CEP164: variants seen among roughly 807,000 people sequenced by gnomAD.
CEP164 encodes centrosomal protein of 164 kDa.
In CEP164, 162 loss-of-function variants were observed where a neutral mutation model predicts 182.7. The observed-to-expected ratio is 0.89, with a 90% CI of 0.78 to 1.01. The LOEUF (loss-of-function observed/expected upper bound fraction) is 1.01. Among genes scored for constraint, CEP164 ranks in the 50% least tolerant of loss-of-function variants. CEP164 has a pLI of 0.00. For missense variants in CEP164, 1,735 were observed against 1,790.4 expected, an observed-to-expected ratio of 0.97 and a Z score of 0.56; for synonymous variants, 661 against 690.0, an observed-to-expected ratio of 0.96 and a Z score of 0.66.
chr11:117,388,501 G>A (rs1205689535), intron 15 of CEP164, among the ~76,000 whole-genome samples: 1 of 152,198 alleles, frequency 6.6e-6, no homozygotes. Flanking sequence ...TGAGGAATGG[G>A]CTCTCCTTCC....
intron 27 of CEP164, among the ~76,000 whole-genome samples, chr11:117,405,441 C>T (rs933824535): frequency 5.9e-5 from 9 of 152,084 alleles, no homozygotes; most frequent in East Asian, 1.9e-4. Context: ...GTGGGTGAGG[C>T]GACACCCACC....
chr11:117,391,296 A>T, intron 17 of CEP164, 81 bp downstream of exon 17: 1 of 1,383,122 alleles, frequency 7.2e-7, no homozygotes, highest in Non-Finnish European at 9.9e-7. Context: ...AAGGAGAAGA[A>T]GGGCAAGTCT....
At chr11:117,357,231 C>T (rs1038655311) in intron 5 of CEP164, among the ~76,000 whole-genome samples, 1 of 151,326 alleles carries the variant, frequency 6.6e-6, no homozygotes, top group Non-Finnish European at 1.5e-5. Flanking sequence ...CTCAGCCCCT[C>T]AAATAGCTGG....
chr11:117,339,254 T>C (rs925320481), intron 3 of CEP164, among the ~76,000 whole-genome samples: 2 of 152,180 alleles, frequency 1.3e-5, no homozygotes, highest in African/African-American at 4.8e-5. Context: ...AAGGGTAAGA[T>C]AGTTACTCTC....
intron 9 of CEP164, 55 bp from the exon 10 acceptor site, chr11:117,373,696 C>T (rs1311054612): frequency 2.0e-6 from 3 of 1,491,340 alleles, no homozygotes. Context: ...TGGGTAGGGA[C>T]CATGACTCTT....
At chr11:117,354,022 C>CTTCT (rs1555101071) in intron 5 of CEP164, among the ~76,000 whole-genome samples, 65 of 142,122 alleles carry the variant, frequency 4.6e-4, no homozygotes, top group Middle Eastern at 3.6e-3. Flanking sequence ...TCTTCTTCTT[C>CTTCT]TTTTTTTTTT....
At position 117,371,536 on chromosome 11, in the gene CEP164, G is replaced by C. The variant is rs1184467668; in HGVS notation, c.1152+70G>C. The C allele has an allele frequency of 3.3e-6, 5 of 1,509,076 alleles. No homozygotes were observed. In the African/African-American group the frequency reaches 7.0e-5, roughly 21 times the overall value. 93.5% of individuals were successfully genotyped at this position (1,509,076 alleles called of 1,614,324 possible). A position where few individuals can be genotyped will look rare whatever the true frequency, so the allele number is the denominator to read the frequency against. On this transcript the variant is annotated intron_variant, in intron 9 of 32. Coordinates refer to ENST00000278935, the MANE Select transcript of CEP164 (RefSeq NM_014956.5). ...GCTGCTCTGTTCAGCCCTGGGCAGG[G>C]TCCTATCCCCACATCTTTATTACTG...
In CEP164 at chr11:117,390,646, A is replaced by G. The variant is rs547762270; in HGVS notation, c.1935-131A>G. The G allele has an allele frequency of 4.4e-5, 55 of 1,261,694 alleles. 1 individual carries two copies. The Admixed American group carries it at 1.2e-3, about 29-fold the overall frequency. The allele number at this position is 1,261,694 out of a possible 1,614,324, so 78.2% of individuals were successfully genotyped here. On this transcript the variant is annotated intron_variant, in intron 15 of 32. Coordinates refer to ENST00000278935, the MANE Select transcript of CEP164 (RefSeq NM_014956.5). ...GCAAGAACCTGTCTCCAAAAAGAAA[A>G]AAAAAAAAAAAGATTTAGGAAGTTT...
At chr11:117,404,112 C>A (rs149510807) in intron 27 of CEP164, among the ~76,000 whole-genome samples, 369 of 152,168 alleles carry the variant, frequency 2.4e-3, no homozygotes, top group African/African-American at 7.9e-3. Context: ...ACCTTTAGTT[C>A]AGAGGAGTTT....
chr11:117,359,311 A>T, intron 5 of CEP164: 1 of 650,746 alleles, frequency 1.5e-6, no homozygotes, highest in Non-Finnish European at 1.9e-6. Context: ...TGGCAGAGCC[A>T]GTCTCAGGTG....
chr11:117,410,996 C>A, intron 31 of CEP164, 102 bp downstream of exon 31: 1 of 1,074,072 alleles, frequency 9.3e-7, no homozygotes, highest in Non-Finnish European at 1.4e-6. Context: ...ACCTCCTGGT[C>A]TTACCCCAAG....
At chr11:117,400,210 T>C (rs937420168) in intron 27 of CEP164, among the ~76,000 whole-genome samples, 2 of 152,168 alleles carry the variant, frequency 1.3e-5, no homozygotes, top group African/African-American at 2.4e-5. Context: ...ATATGGCTAG[T>C]CAGTTTTCAC....
In CEP164 at chr11:117,394,579, G is replaced by A. The variant is rs1336388855; in HGVS notation, c.2760+86G>A. ...TGGGAGCAGACGCATGGCCCCAGCA[G>A]GATGCAGCCTGACAGCTTCTGGAGT... On this transcript the variant is annotated intron_variant, in intron 21 of 32. Transcript: ENST00000278935. The surrounding 1 kb of genome is among the most constrained non-coding windows in gnomAD (Gnocchi z 4.0). 1 of 1,511,810 alleles carries A rather than the reference G, an allele frequency of 6.6e-7. No homozygotes were observed. Among genetic ancestry groups the A allele is most frequent in the Non-Finnish European group, 8.9e-7 (1 of 1,119,122 alleles). The allele number at this position is 1,511,810 out of a possible 1,614,324, so 93.6% of individuals were successfully genotyped here.
chr11:117,369,222 C>T (rs1206453035), intron 8 of CEP164, among the ~76,000 whole-genome samples: 1 of 152,226 alleles, frequency 6.6e-6, no homozygotes, highest in East Asian at 1.9e-4. Flanking sequence ...GACAGTGTGC[C>T]AGTCACAACT....
intron 5 of CEP164, among the ~76,000 whole-genome samples, chr11:117,361,179 C>G (rs1234790549): frequency 6.7e-6 from 1 of 149,460 alleles, no homozygotes; most frequent in Non-Finnish European, 1.5e-5. Flanking sequence ...AGGTGATCCA[C>G]TCACCTCAGC....
At chr11:117,395,236 C>A in intron 23 of CEP164, 45 bp downstream of exon 23, 1 of 1,597,888 alleles carries the variant, frequency 6.3e-7, no homozygotes, top group South Asian at 1.1e-5. Context: ...TCCTCCATTT[C>A]CTGTCTTTCT....
chr11:117,390,407 G>C (rs1332590147), intron 15 of CEP164, among the ~76,000 whole-genome samples: 2 of 152,032 alleles, frequency 1.3e-5, no homozygotes, highest in Non-Finnish European at 2.9e-5. Flanking sequence ...CAGTGCTTTG[G>C]GAGGCTGAGG....
At chr11:117,361,726 T>C in intron 5 of CEP164, 109 bp from the exon 6 acceptor site, 2 of 1,152,740 alleles carry the variant, frequency 1.7e-6, no homozygotes, top group Non-Finnish European at 1.3e-6. Flanking sequence ...GCGGAGGTGG[T>C]TTAAATTTGA....
chr11:117,394,994 G>T lies in CEP164; in HGVS notation c.2835G>T (p.Leu945=), dbSNP rs1445505945. ...AKDVKARLAL[L]EVQEETARRE... ...ATGTCAAGGCCAGATTGGCTCTGCTGGAGGTCCAGGTGAGGGATCTGCAGG... is the reference window on the plus strand; with the variant it reads ...ATGTCAAGGCCAGATTGGCTCTGCTTGAGGTCCAGGTGAGGGATCTGCAGG... Residue 945 remains leucine, a synonymous_variant, in exon 22 of 33, where the codon CTG becomes CTT. Transcript: ENST00000278935. This position sits in a 1 kb window ranked among gnomAD's most constrained non-coding sequence, Gnocchi z 4.0. 1 of 1,614,052 alleles carries T rather than the reference G, an allele frequency of 6.2e-7. No homozygotes were observed. Among genetic ancestry groups the T allele is most frequent in the African/African-American group, 1.3e-5 (1 of 74,938 alleles).
Sources: allele counts gnomAD v4.1 joint callset (sites outside exome capture counted in the v4.1 genomes callset), GRCh38; gene constraint gnomAD v4.1.1; non-coding constraint Gnocchi (gnomAD v3.1); transcripts MANE v1.5; gene names NCBI Gene and HGNC (gene_info 2026-07-23, HGNC 2026-07-21).